The following FA2H variants were observed in gnomAD, a reference collection of about 807,000 sequenced individuals.
FA2H encodes the protein fatty acid 2-hydroxylase, also known as fatty acid alpha-hydroxylase.
Under a neutral mutation model 44.9 loss-of-function variants are expected in FA2H, and 22 were observed. The observed-to-expected ratio is 0.49, with a 90% confidence interval of 0.35 to 0.70. FA2H has a LOEUF of 0.70. Among genes scored for constraint, FA2H ranks in the 30% least tolerant of loss-of-function variants. The pLI, the probability that FA2H is intolerant of heterozygous loss-of-function variation, is 0.01. For synonymous variants in FA2H, 243 were observed against 213.2 expected, an observed-to-expected ratio of 1.14 and a Z score of -1.22; for missense variants, 501 against 504.9, an observed-to-expected ratio of 0.99 and a Z score of 0.07.
intron 6 of FA2H, among the ~76,000 whole-genome samples, chr16:74,715,880 A>G (rs1016041754): frequency 3.3e-5 from 5 of 150,714 alleles, no homozygotes; most frequent in African/African-American, 1.2e-4. Flanking sequence ...CAGTGGTGCA[A>G]TCTTAGCTCA....
At chr16:74,740,232 G>T in intron 1 of FA2H, 117 bp from the exon 2 acceptor site, 1 of 796,098 alleles carries the variant, frequency 1.3e-6, no homozygotes. Flanking sequence ...GTGGGGCAGG[G>T]TGGTGGAGAT....
rs890791998 is a variant in FA2H, at chr16:74,774,731, C to A, written c.25G>T (p.Ala9Ser). 2 of 1,322,562 alleles carry A rather than the reference C, an allele frequency of 1.5e-6. No homozygotes were observed. Among genetic ancestry groups the A allele is most frequent in the Admixed American group, 4.1e-5 (1 of 24,276 alleles). The allele number at this position is 1,322,562 out of a possible 1,614,324, so 81.9% of individuals were successfully genotyped here. MAPAPPPA[A>S]SFSPSEVQRR... ...TGGACCTCGGAGGGCGAGAAGGAGG[C>A]GGCGGGGGGCGGAGCGGGGGCCATG... The change falls in exon 1 of 7, where the codon GCC (alanine) becomes TCC (serine). Residue 9 changes from alanine (A) to serine (S), a missense_variant. Transcript: ENST00000219368.
chr16:74,726,992 C>A (rs575464264), intron 3 of FA2H, among the ~76,000 whole-genome samples: 5 of 152,298 alleles, frequency 3.3e-5, no homozygotes, highest in Admixed American at 2.6e-4. Flanking sequence ...AGAAACTCCT[C>A]ATAAGAGTCT....
At chr16:74,733,455 G>C (rs1962119077) in intron 2 of FA2H, among the ~76,000 whole-genome samples, 3 of 152,136 alleles carry the variant, frequency 2.0e-5, no homozygotes, top group Admixed American at 2.0e-4. Context: ...CCTTCCCCCA[G>C]CTTGTAGCAG....
intron 1 of FA2H, among the ~76,000 whole-genome samples, chr16:74,746,006 C>A (rs568597062): frequency 6.6e-6 from 1 of 152,022 alleles, no homozygotes; most frequent in African/African-American, 2.4e-5. Flanking sequence ...GGGGTTTCAC[C>A]GTGTTGCCCA....
intron 2 of FA2H, among the ~76,000 whole-genome samples, chr16:74,734,928 T>C (rs535398512): frequency 2.0e-4 from 30 of 152,212 alleles, no homozygotes; most frequent in Admixed American, 7.9e-4. Flanking sequence ...CAGGGCAGCT[T>C]TCTGAGCAGA....
chr16:74,726,094 A>C, intron 4 of FA2H, 131 bp downstream of exon 4: 2 of 702,136 alleles, frequency 2.8e-6, no homozygotes, highest in Admixed American at 2.0e-5. Flanking sequence ...ATTTCTACAG[A>C]GAGGCTTCAC....
chr16:74,741,733 T>TTACAGGTG (rs1453123868), intron 1 of FA2H, among the ~76,000 whole-genome samples: 1 of 143,602 alleles, frequency 7.0e-6, no homozygotes, highest in Admixed American at 7.2e-5. Context: ...AGTGCTCGGA[T>TTACAGGTG]TACAGGTGTG....
chr16:74,774,435 GA>G, intron 1 of FA2H, 50 bp downstream of exon 1: 2 of 1,462,108 alleles, frequency 1.4e-6, no homozygotes, highest in Non-Finnish European at 1.8e-6. Flanking sequence ...CCCGGGAGTG[GA>G]AGGCTGACGG....
chr16:74,767,501 G>A (rs1962831248), intron 1 of FA2H, among the ~76,000 whole-genome samples: 1 of 152,188 alleles, frequency 6.6e-6, no homozygotes, highest in African/African-American at 2.4e-5. Context: ...CTTGAGATGA[G>A]ATTATCCTGG....
At chr16:74,729,260 C>T (rs753048616) in intron 2 of FA2H, among the ~76,000 whole-genome samples, 10 of 152,152 alleles carry the variant, frequency 6.6e-5, no homozygotes, top group Admixed American at 1.3e-4. Context: ...CTGCCCGCCT[C>T]GGCCTCCCAA....
intron 1 of FA2H, among the ~76,000 whole-genome samples, chr16:74,765,513 G>C (rs938915700): frequency 6.6e-6 from 1 of 152,024 alleles, no homozygotes; most frequent in African/African-American, 2.4e-5. Context: ...AATTATGCAC[G>C]TACCTCAGTT....
chr16:74,729,176 AT>A (rs1481152296), intron 2 of FA2H, among the ~76,000 whole-genome samples: 1 of 151,792 alleles, frequency 6.6e-6, no homozygotes, highest in Non-Finnish European at 1.5e-5. Flanking sequence ...TCGCCCGCTA[AT>A]TTTTTGTATT....
At chr16:74,758,152 G>A (rs1198084329) in intron 1 of FA2H, among the ~76,000 whole-genome samples, 2 of 139,600 alleles carry the variant, frequency 1.4e-5, no homozygotes, top group South Asian at 2.2e-4. Flanking sequence ...ACGGAGTCTC[G>A]GACTGTCGCC....
At position 74,754,583 on chromosome 16, in the gene FA2H, A is replaced by G. The variant is rs189278181; in HGVS notation, c.271-14468T>C. Among the ~76,000 whole-genome samples the G allele has an allele frequency of 2.5e-3, 375 of 152,214 alleles. 1 individual carries two copies. The highest frequency in any genetic ancestry group is 8.4e-3 in the African/African-American group (349 of 41,540). On this transcript the variant is annotated intron_variant, in intron 1 of 6. Coordinates refer to ENST00000219368, the MANE Select transcript of FA2H (RefSeq NM_024306.5). Reference sequence around the variant, plus strand: ...GGCTCTGTCACACAGGCTGGAATGCATTGACGTGATCTCAGCTCACTGAGA... The same window carrying G: ...GGCTCTGTCACACAGGCTGGAATGCGTTGACGTGATCTCAGCTCACTGAGA...
chr16:74,714,269 C>A lies in FA2H; in HGVS notation c.1040G>T (p.Gly347Val). The A allele has an allele frequency of 3.2e-6, 5 of 1,553,172 alleles. No homozygotes were observed. Among genetic ancestry groups the A allele is most frequent in the Non-Finnish European group, 4.4e-6 (5 of 1,146,050 alleles). The change falls in exon 7 of 7, where the codon GGA becomes GTA. Residue 347 changes from glycine to valine, a missense_variant and splice_region_variant. Physicochemically the swap from Gly to Val is moderately radical, Grantham distance 109 (BLOSUM62 -3). Coordinates refer to ENST00000219368, the MANE Select transcript of FA2H (RefSeq NM_024306.5). Reference sequence around the variant, plus strand: ...CCACAATTTAGTGCTGATACCAAATCCTAGAGAGGGAGACAAACGGGGAGA... The same window carrying A: ...CCACAATTTAGTGCTGATACCAAATACTAGAGAGGGAGACAAACGGGGAGA... Reference protein sequence around the residue: ...VKHHFAHQKSGFGISTKLWDY... With the variant: ...VKHHFAHQKSVFGISTKLWDY...
intron 1 of FA2H, among the ~76,000 whole-genome samples, chr16:74,765,733 T>C (rs1389842426): frequency 6.6e-6 from 1 of 152,016 alleles, no homozygotes; most frequent in Non-Finnish European, 1.5e-5. Flanking sequence ...GAAAATTTTT[T>C]TGTAGACCTA....
intron 1 of FA2H, among the ~76,000 whole-genome samples, chr16:74,742,554 G>C (rs1962333661): frequency 6.6e-6 from 1 of 152,158 alleles, no homozygotes; most frequent in African/African-American, 2.4e-5. Context: ...TATTTCAAAG[G>C]CAGGCACGGT....
At chr16:74,719,548 G>A (rs957167631) in intron 4 of FA2H, among the ~76,000 whole-genome samples, 1 of 152,030 alleles carries the variant, frequency 6.6e-6, no homozygotes, top group Non-Finnish European at 1.5e-5. Flanking sequence ...AGGTATCTCT[G>A]TGTCGCCCAG....
Sources: allele counts gnomAD v4.1 joint callset (sites outside exome capture counted in the v4.1 genomes callset), GRCh38; gene constraint gnomAD v4.1.1; transcripts MANE v1.5; gene names NCBI Gene and HGNC (gene_info 2026-07-23, HGNC 2026-07-21).